Variants in ARNT2 observed in about 807,000 individuals in gnomAD.
ARNT2 encodes the protein aryl hydrocarbon receptor nuclear translocator 2.
Under a neutral mutation model 91.7 loss-of-function variants are expected in ARNT2, and 36 were observed. That is an observed-to-expected ratio of 0.39 (90% CI 0.30 to 0.52). The LOEUF is 0.52. ARNT2 is among the 20% of genes least tolerant of loss of function. ARNT2 has a pLI of 0.72. For synonymous variants in ARNT2, 365 were observed against 347.1 expected (o/e 1.05, Z -0.57); for missense variants, 775 against 939.3 (o/e 0.83, Z 2.29).
intron 8 of ARNT2, among the ~76,000 whole-genome samples, chr15:80,515,314 C>CA (rs1897415436): frequency 6.6e-6 from 1 of 151,730 alleles, no homozygotes; most frequent in Non-Finnish European, 1.5e-5. Context: ...TCATAATGGC[C>CA]AAAAAATGGA....
chr15:80,539,515 AG>A (rs1193188328), intron 8 of ARNT2, among the ~76,000 whole-genome samples: 5 of 152,200 alleles, frequency 3.3e-5, no homozygotes, highest in East Asian at 1.9e-4. Flanking sequence ...AAATATTAGA[AG>A]GGTTCTCAAA....
chr15:80,590,492 C>T (rs951185712), intron 17 of ARNT2, among the ~76,000 whole-genome samples: 2 of 152,194 alleles, frequency 1.3e-5, no homozygotes, highest in South Asian at 4.1e-4. Context: ...CATCCCAGCA[C>T]TTTGGGAGGC....
At chr15:80,544,989 A>T (rs118169694) in intron 8 of ARNT2, among the ~76,000 whole-genome samples, 435 of 152,136 alleles carry the variant, frequency 2.9e-3, no homozygotes, top group Non-Finnish European at 4.8e-3. Flanking sequence ...TGACCACCCC[A>T]CCACTGGAGG....
intron 11 of ARNT2, among the ~76,000 whole-genome samples, chr15:80,560,951 G>T (rs897499030): frequency 5.3e-5 from 8 of 152,236 alleles, no homozygotes; most frequent in African/African-American, 1.9e-4. Context: ...CGCAGGCTCA[G>T]ATCTTGTCTG....
chr15:80,407,709 CTGTGTGTG>C (rs56826755), intron 1 of ARNT2, among the ~76,000 whole-genome samples: 2 of 149,508 alleles, frequency 1.3e-5, no homozygotes, highest in African/African-American at 4.9e-5. Flanking sequence ...TTTTGTGTGT[CTGTGTGTG>C]TGTGTGTGTG....
chr15:80,524,652 G>A (rs999810219), intron 8 of ARNT2, among the ~76,000 whole-genome samples: 2 of 152,082 alleles, frequency 1.3e-5, no homozygotes, highest in Non-Finnish European at 2.9e-5. Context: ...CGAGGCGGGC[G>A]ATTCATGAGG....
intron 2 of ARNT2, 84 bp downstream of exon 2, chr15:80,451,078 C>A (rs1025862995): frequency 3.2e-5 from 41 of 1,285,138 alleles, no homozygotes; most frequent in Non-Finnish European, 4.2e-5. Context: ...TTGTTTCTCC[C>A]CTTCCTGTAG....
intron 1 of ARNT2, among the ~76,000 whole-genome samples, chr15:80,406,978 G>A (rs1895609951): frequency 6.6e-6 from 1 of 152,138 alleles, no homozygotes; most frequent in Non-Finnish European, 1.5e-5. Context: ...AGAGAGTTCA[G>A]ATTCTATGGG....
chr15:80,472,151 G>A (rs1349800546), intron 4 of ARNT2, among the ~76,000 whole-genome samples: 2 of 152,098 alleles, frequency 1.3e-5, no homozygotes, highest in Non-Finnish European at 2.9e-5. Flanking sequence ...AGTTGTCAGG[G>A]CATGCAGTTA....
Position 80,563,201 on chromosome 15 carries a change from T to A in ARNT2, c.1278T>A (p.Asp426Glu), listed in dbSNP as rs186761656. 55 of 1,613,798 alleles carry A rather than the reference T, an allele frequency of 3.4e-5. No homozygotes were observed. The East Asian group carries it at 1.2e-3, about 35-fold the overall frequency. ...SSFTFQNPYS[D>E]EIEYIICTNT... ...TCACATTCCAGAATCCCTATTCTGA[T>A]GAGATTGAGTACATCATCTGCACCA... Residue 426 changes from aspartate (D) to glutamate (E), a missense_variant, in exon 12 of 19, where the codon GAT (aspartate) becomes GAA (glutamate). This residue lies in a region of ARNT2 where 3 missense variants were observed against 18.9 expected (regional missense o/e 0.16). Transcript: ENST00000303329.
At chr15:80,438,338 C>G (rs796475073) in intron 1 of ARNT2, among the ~76,000 whole-genome samples, 22 of 152,262 alleles carry the variant, frequency 1.4e-4, no homozygotes, top group African/African-American at 5.3e-4. Flanking sequence ...TGATGATTTA[C>G]TACAGATGTT....
At chr15:80,426,059 G>A (rs183044797) in intron 1 of ARNT2, among the ~76,000 whole-genome samples, 98 of 132,240 alleles carry the variant, frequency 7.4e-4, no homozygotes, top group African/African-American at 2.5e-3. Context: ...AGACTGTCTC[G>A]AAAAGAAAAG....
intron 5 of ARNT2, 37 bp downstream of exon 5, chr15:80,475,260 A>C: frequency 6.2e-7 from 1 of 1,607,788 alleles, no homozygotes; most frequent in South Asian, 1.1e-5. Flanking sequence ...GTTTGACTCT[A>C]GAAAACATTC....
chr15:80,526,301 C>T (rs765267769), intron 8 of ARNT2, among the ~76,000 whole-genome samples: 1 of 152,242 alleles, frequency 6.6e-6, no homozygotes, highest in Non-Finnish European at 1.5e-5. Flanking sequence ...TCAGAAATCA[C>T]TCATGATGGG....
At chr15:80,440,610 G>T (rs892448179) in intron 1 of ARNT2, among the ~76,000 whole-genome samples, 21 of 152,170 alleles carry the variant, frequency 1.4e-4, no homozygotes, top group Non-Finnish European at 2.5e-4. Context: ...TAGCTGAGGT[G>T]GGAGGGCATC....
At chr15:80,421,567 T>C (rs972301837) in intron 1 of ARNT2, among the ~76,000 whole-genome samples, 9 of 152,194 alleles carry the variant, frequency 5.9e-5, no homozygotes, top group Non-Finnish European at 1.2e-4. Flanking sequence ...TTTGAAACAA[T>C]GCACCGAATG....
intron 5 of ARNT2, among the ~76,000 whole-genome samples, chr15:80,477,096 C>T (rs372327521): frequency 7.2e-5 from 11 of 152,336 alleles, no homozygotes; most frequent in East Asian, 5.8e-4. Flanking sequence ...CTTCACCTTC[C>T]GCCATGATTG....
intron 6 of ARNT2, among the ~76,000 whole-genome samples, chr15:80,509,753 A>G (rs1897317194): frequency 6.6e-6 from 1 of 152,184 alleles, no homozygotes; most frequent in Non-Finnish European, 1.5e-5. Flanking sequence ...GGCAAAGAGA[A>G]GGGCAAGTAG....
Position 80,497,687 on chromosome 15 carries a change from G to C in ARNT2, c.623-10469G>C, listed in dbSNP as rs1319588749. Among the ~76,000 whole-genome samples the C allele has an allele frequency of 3.3e-5, 5 of 152,212 alleles. No individual in the cohort carries two copies. In the South Asian group the frequency reaches 1.0e-3, roughly 32 times the overall value. The stretch of plus-strand genomic sequence containing the variant: ...TGAGGGCAGTAGCATTCCCTGTGCT[G>C]CAGGAGAGCTGAGAAGCTCGCAGCC... On this transcript the variant is annotated intron_variant, in intron 5 of 18. Transcript: ENST00000303329.
Sources: allele counts gnomAD v4.1 joint callset (sites outside exome capture counted in the v4.1 genomes callset), GRCh38; gene constraint gnomAD v4.1.1; regional missense constraint gnomAD v4.1.1; transcripts MANE v1.5; gene names NCBI Gene and HGNC (gene_info 2026-07-23, HGNC 2026-07-21).